GARNL3: variants seen among roughly 807,000 people sequenced by gnomAD.
GARNL3 encodes the protein GTPase activating Rap/RanGAP domain like 3, also known as GTPase-activating Rap/Ran-GAP domain-like protein 3.
Under a neutral mutation model 125.0 loss-of-function variants are expected in GARNL3, and 63 were observed. The observed-to-expected ratio is 0.50, with a 90% CI of 0.41 to 0.62. The LOEUF is 0.62. Among genes scored for constraint, GARNL3 ranks in the 20% least tolerant of loss-of-function variants. The pLI is 0.00. For missense variants in GARNL3, 994 were observed against 1,244.0 expected, an observed-to-expected ratio of 0.80 and a Z score of 3.02; for synonymous variants, 439 against 457.5, an observed-to-expected ratio of 0.96 and a Z score of 0.52.
At chr9:127,283,990 T>G (rs2064171835) in intron 1 of GARNL3, among the ~76,000 whole-genome samples, 1 of 152,180 alleles carries the variant, frequency 6.6e-6, no homozygotes, top group South Asian at 2.1e-4. Flanking sequence ...CCTAAACATA[T>G]CCATCAAAAT....
upstream of GARNL3, among the ~76,000 whole-genome samples, chr9:127,259,323 G>A (rs1466125322): frequency 3.9e-5 from 6 of 152,270 alleles, no homozygotes; most frequent in East Asian, 7.7e-4. Context: ...TCATGCCTGC[G>A]AAGTGTGATT....
intron 16 of GARNL3, among the ~76,000 whole-genome samples, chr9:127,346,812 G>A (rs551697363): frequency 1.3e-5 from 2 of 152,258 alleles, no homozygotes; most frequent in East Asian, 1.9e-4. Context: ...CAGAGAACCC[G>A]GCTTTGCCCA....
At chr9:127,315,677 C>A (rs1184588237) in intron 4 of GARNL3, among the ~76,000 whole-genome samples, 1 of 151,430 alleles carries the variant, frequency 6.6e-6, no homozygotes, top group Admixed American at 6.6e-5. Flanking sequence ...AAAAAAAAAA[C>A]TAGCTAAACA....
At chr9:127,243,142 G>T in exon 2 of GARNL3, 1 of 1,365,842 alleles carries the variant, frequency 7.3e-7, no homozygotes, top group Middle Eastern at 2.1e-4. Context: ...GTGGGAGTCA[G>T]ATAGCACAAA....
At chr9:127,349,101 AC>A in intron 17 of GARNL3, 66 bp downstream of exon 17, 1 of 1,067,810 alleles carries the variant, frequency 9.4e-7, no homozygotes, top group Non-Finnish European at 1.5e-6. Context: ...AAGATGAGTG[AC>A]CACCAACCAA....
chr9:127,289,607 G>A lies in GARNL3; in HGVS notation c.145-1561G>A, dbSNP rs901505500. Reference sequence around the variant, plus strand: ...CCCATAGATGTGGTTGACCACCCACGTGGCTGACCTGAGCCTTCACCCCTC... The same window carrying A: ...CCCATAGATGTGGTTGACCACCCACATGGCTGACCTGAGCCTTCACCCCTC... On this transcript the variant is annotated intron_variant, in intron 1 of 27. Transcript: ENST00000373387. 4.6e-5 allele frequency among the ~76,000 whole-genome samples: 7 copies of A among 152,194 alleles called. No homozygotes were observed. The East Asian group carries it at 5.8e-4, about 13-fold the overall frequency.
In GARNL3 at chr9:127,339,379, T is replaced by G. The variant is rs576131255; in HGVS notation, c.1029-266T>G. On this transcript the variant is annotated intron_variant, in intron 12 of 27. Transcript: ENST00000373387. Reference sequence around the variant, plus strand: ...TCAGAATTATGGTGGGAGGCAAAAGTCATGTCTTACATGGTGGCGGCAAGA... The same window carrying G: ...TCAGAATTATGGTGGGAGGCAAAAGGCATGTCTTACATGGTGGCGGCAAGA... Among the ~76,000 whole-genome samples, 5 of 151,678 alleles carry G rather than the reference T, an allele frequency of 3.3e-5. No individual in the cohort carries two copies. The East Asian group carries it at 7.8e-4, about 24-fold the overall frequency.
chr9:127,375,343 G>A (rs1831839712), intron 22 of GARNL3, among the ~76,000 whole-genome samples: 1 of 151,962 alleles, frequency 6.6e-6, no homozygotes, highest in African/African-American at 2.4e-5. Flanking sequence ...GCAGGCACCT[G>A]TAATTCTAGC....
chr9:127,345,349 C>G lies in GARNL3; in HGVS notation c.1357-54C>G, dbSNP rs1401634984. Reference sequence around the variant, plus strand: ...TTTTTGTCAAATCACAATTGTTTATCCTGCTGTACTTTTGCCGCCTAGTAA... The same window carrying G: ...TTTTTGTCAAATCACAATTGTTTATGCTGCTGTACTTTTGCCGCCTAGTAA... On this transcript the variant is annotated intron_variant, in intron 15 of 27. Coordinates refer to ENST00000373387, the MANE Select transcript of GARNL3 (RefSeq NM_032293.5). 4.6e-6 allele frequency: 5 copies of G among 1,098,724 alleles called. No individual in the cohort carries two copies. In the East Asian group the frequency reaches 1.3e-4, roughly 28 times the overall value. The allele number at this position is 1,098,724 out of a possible 1,614,324, so 68.1% of individuals were successfully genotyped here. A position where few individuals can be genotyped will look rare whatever the true frequency, so the allele number is the denominator to read the frequency against.
Position 127,338,177 on chromosome 9 carries a change from G to C in GARNL3, c.1028+16G>C. ...ACAATTACAGGTAGGTAATGACTTT[G>C]TCTCGATTGCTTGTCCTAATTCTCA... On this transcript the variant is annotated intron_variant, in intron 12 of 27. Transcript: ENST00000373387. 6.3e-7 allele frequency: 1 copy of C among 1,586,028 alleles called. No individual in the cohort carries two copies. The highest frequency in any genetic ancestry group is 8.7e-7 in the Non-Finnish European group (1 of 1,154,558).
chr9:127,230,656 CAAAAA>C (rs1178159379), intron 1 of GARNL3, among the ~76,000 whole-genome samples: 1 of 109,476 alleles, frequency 9.1e-6, no homozygotes. Flanking sequence ...TCCATCTCAC[CAAAAA>C]AAAAAAAAAA....
intron 15 of GARNL3, 49 bp downstream of exon 15, chr9:127,344,388 C>A (rs775082572): frequency 1.1e-5 from 14 of 1,236,056 alleles, no homozygotes; most frequent in Non-Finnish European, 1.7e-5. Flanking sequence ...GTTTTGAGTT[C>A]CATCCTAACC....
Position 127,355,428 on chromosome 9 carries a change from T to C in GARNL3, c.1891T>C (p.Ser631Pro), listed in dbSNP as rs1315486155. The C allele has an allele frequency of 2.5e-6, 4 of 1,614,244 alleles. No individual in the cohort carries two copies. In the South Asian group the frequency reaches 4.4e-5, roughly 18 times the overall value. The stretch of plus-strand genomic sequence containing the variant: ...CGGGGTCACCAGCACCTCATTGTTA[T>C]CTCCCCTGTCTGAGTCACCTGTTGA... The part of the protein sequence containing the change: ...PSGVTSTSLL[S>P]PLSESPVEEF... Residue 631 changes from serine to proline, a missense_variant, in exon 20 of 28, where the codon TCT (serine) becomes CCT (proline). This residue lies in a region of GARNL3 where 728 missense variants were observed against 865.7 expected (regional missense o/e 0.84). Coordinates refer to ENST00000373387, the MANE Select transcript of GARNL3 (RefSeq NM_032293.5).
chr9:127,308,684 CATT>C (rs2065019182), intron 2 of GARNL3, among the ~76,000 whole-genome samples: 1 of 152,136 alleles, frequency 6.6e-6, no homozygotes, highest in Non-Finnish European at 1.5e-5. Flanking sequence ...CTTAAAATGA[CATT>C]GTTGACTCAA....
intron 17 of GARNL3, among the ~76,000 whole-genome samples, chr9:127,350,017 G>A (rs899918666): frequency 1.3e-5 from 2 of 152,136 alleles, no homozygotes; most frequent in Non-Finnish European, 2.9e-5. Context: ...GGGGCCCCAC[G>A]CCAGGTGCCT....
At chr9:127,341,269 G>A (rs1032592719) in intron 13 of GARNL3, among the ~76,000 whole-genome samples, 10 of 152,194 alleles carry the variant, frequency 6.6e-5, no homozygotes, top group Non-Finnish European at 1.2e-4. Flanking sequence ...GCTACAACAA[G>A]GTCCCAAACT....
intron 22 of GARNL3, among the ~76,000 whole-genome samples, chr9:127,381,113 G>A (rs191858854): frequency 5.8e-5 from 8 of 137,544 alleles, no homozygotes; most frequent in East Asian, 2.2e-4. Flanking sequence ...TCCTGACCTC[G>A]TGATCCGCCC....
intron 1 of GARNL3, among the ~76,000 whole-genome samples, chr9:127,273,014 A>G (rs2063861657): frequency 6.6e-6 from 1 of 152,202 alleles, no homozygotes; most frequent in Admixed American, 6.5e-5. Context: ...TATTAGTTTT[A>G]ACATTTTATT....
intron 22 of GARNL3, among the ~76,000 whole-genome samples, chr9:127,379,914 T>G (rs984976334): frequency 6.6e-6 from 1 of 152,196 alleles, no homozygotes; most frequent in African/African-American, 2.4e-5. Flanking sequence ...GTGCGGTGGC[T>G]CACACTTGTA....
Sources: allele counts gnomAD v4.1 joint callset (sites outside exome capture counted in the v4.1 genomes callset), GRCh38; gene constraint gnomAD v4.1.1; regional missense constraint gnomAD v4.1.1; transcripts MANE v1.5; gene names NCBI Gene and HGNC (gene_info 2026-07-23, HGNC 2026-07-21).